Variants in ANKS6 observed in about 807,000 individuals in gnomAD.
The protein encoded by ANKS6 is ankyrin repeat and sterile alpha motif domain containing 6.
Under a neutral mutation model 77.9 loss-of-function variants are expected in ANKS6, and 47 were observed. The observed-to-expected ratio is 0.60, with a 90% CI of 0.48 to 0.77. ANKS6 has a LOEUF of 0.77. Among genes scored for constraint, ANKS6 ranks in the 30% least tolerant of loss-of-function variants. ANKS6 has a pLI of 0.00. For synonymous variants in ANKS6, 488 were observed against 501.7 expected, an observed-to-expected ratio of 0.97 and a Z score of 0.37; for missense variants, 1,150 against 1,159.1, an observed-to-expected ratio of 0.99 and a Z score of 0.11.
chr9:98,755,269 TG>T (rs1238549040), intron 12 of ANKS6, among the ~76,000 whole-genome samples: 1 of 152,222 alleles, frequency 6.6e-6, no homozygotes, highest in African/African-American at 2.4e-5. Flanking sequence ...CAAACGCATT[TG>T]TGAGGGCCAC....
rs1371400486 is a variant in ANKS6, at chr9:98,756,441, T to G, written c.2305A>C (p.Ser769Arg). The change falls in exon 12 of 15, where the codon AGT becomes CGT. Residue 769 changes from serine to arginine, a missense_variant. Physicochemically the swap from Ser to Arg is moderately radical, Grantham distance 110 (BLOSUM62 -1). Transcript: ENST00000353234. The part of the protein sequence containing the change: ...RQSKSSGGSS[S>R]GTITDEDELT... The stretch of plus-strand genomic sequence containing the variant: ...TCACCCTCATCTGTGATGGTGCCAC[T>G]GCTGGAGCCCCCACTGCTCTTGGAC... The G allele has an allele frequency of 3.1e-6, 5 of 1,613,350 alleles. No individual in the cohort carries two copies. The African/African-American group carries it at 4.0e-5, about 13-fold the overall frequency.
chr9:98,771,186 C>T, intron 9 of ANKS6, 140 bp from the exon 10 acceptor site: 1 of 1,038,734 alleles, frequency 9.6e-7, no homozygotes, highest in Non-Finnish European at 1.3e-6. Context: ...CCTGCCAGGG[C>T]CCAGCTGGGG....
chr9:98,774,615 G>A (rs948448803), intron 8 of ANKS6, among the ~76,000 whole-genome samples: 3 of 152,302 alleles, frequency 2.0e-5, no homozygotes, highest in African/African-American at 7.2e-5. Flanking sequence ...GGAAGCAGGA[G>A]GTGATAAGGG....
At chr9:98,751,575 G>A (rs1268041755) in intron 12 of ANKS6, among the ~76,000 whole-genome samples, 1 of 152,210 alleles carries the variant, frequency 6.6e-6, no homozygotes, top group Non-Finnish European at 1.5e-5. Context: ...GTGTGCAGAG[G>A]CTGTGGCCTT....
chr9:98,778,343 G>C lies in ANKS6; in HGVS notation c.1450C>G (p.Pro484Ala). ...TCAGGCTCGTCAGAGAAAGGCAAAG[G>C]CTGGTTGCTGGACAGCCCACGGGGC... is the stretch of plus-strand genomic sequence containing the variant. Reference protein sequence around the residue: ...TLPRGLSSNQPLPFSDEPEPA... With the variant: ...TLPRGLSSNQALPFSDEPEPA... The change falls in exon 7 of 15, where the codon CCT (proline) becomes GCT (alanine). Residue 484 changes from proline (P) to alanine (A), a missense_variant. Pro to Ala is a conservative substitution (Grantham distance 27). Coordinates refer to ENST00000353234, the MANE Select transcript of ANKS6 (RefSeq NM_173551.5). 6.2e-7 allele frequency: 1 copy of C among 1,614,176 alleles called. No individual in the cohort carries two copies. The highest frequency in any genetic ancestry group is 8.5e-7 in the Non-Finnish European group (1 of 1,180,034).
rs1831431822 is a variant in ANKS6 at position 98,735,206 on chromosome 9, T to A, written c.*1313A>T. On this transcript the variant is annotated 3_prime_UTR_variant, in exon 15 of 15. Coordinates refer to ENST00000353234, the MANE Select transcript of ANKS6 (RefSeq NM_173551.5). The stretch of plus-strand genomic sequence containing the variant: ...CCAACTAAGAGGCCATTGAGCTTCA[T>A]CTGAACTTTGAACCTGAGTCCAGAG... 1.0e-6 allele frequency: 1 copy of A among 985,994 alleles called. No homozygotes were observed. Among genetic ancestry groups the A allele is most frequent in the Non-Finnish European group, 1.2e-6 (1 of 830,328 alleles). 61.1% of individuals were successfully genotyped at this position (985,994 alleles called of 1,614,324 possible).
At chr9:98,751,474 A>G (rs1832428153) in intron 12 of ANKS6, among the ~76,000 whole-genome samples, 1 of 152,208 alleles carries the variant, frequency 6.6e-6, no homozygotes, top group African/African-American at 2.4e-5. Context: ...GCCTGCAGTA[A>G]ATGCCAATGC....
chr9:98,750,942 A>G lies in ANKS6; in HGVS notation c.2394+87T>C. Reference sequence around the variant, plus strand: ...CTGTCTCAGTGCAAGAGATCAATCTAGGCTTGCAAAATGAAAACCTACACA... The same window carrying G: ...CTGTCTCAGTGCAAGAGATCAATCTGGGCTTGCAAAATGAAAACCTACACA... On this transcript the variant is annotated intron_variant, in intron 13 of 14. Transcript: ENST00000353234. 3.8e-6 allele frequency: 4 copies of G among 1,050,106 alleles called. No individual in the cohort carries two copies. The South Asian group carries it at 4.1e-5, about 11-fold the overall frequency. The allele number at this position is 1,050,106 out of a possible 1,614,324, so 65.0% of individuals were successfully genotyped here.
chr9:98,751,760 C>T (rs1832440632), intron 12 of ANKS6, among the ~76,000 whole-genome samples: 1 of 152,150 alleles, frequency 6.6e-6, no homozygotes, highest in Admixed American at 6.5e-5. Context: ...GAACTGGGGA[C>T]TCAATAGATA....
Position 98,794,588 on chromosome 9 carries a change from A to G in ANKS6, c.359+1545T>C, listed in dbSNP as rs186935411. Among the ~76,000 whole-genome samples, 6 of 152,242 alleles carry G rather than the reference A, an allele frequency of 3.9e-5. No individual in the cohort carries two copies. In the East Asian group the frequency reaches 9.7e-4, roughly 25 times the overall value. On this transcript the variant is annotated intron_variant, in intron 1 of 14. Transcript: ENST00000353234. ...GGTGTCACACCAACTGAGGAACAGC[A>G]CATTTTAAAATACCCAGGCTCAAGA...
At position 98,758,526 on chromosome 9, in the gene ANKS6, T is replaced by C. The variant is rs148160804; in HGVS notation, c.2143-1923A>G. 1.4e-4 allele frequency among the ~76,000 whole-genome samples: 21 copies of C among 152,320 alleles called. No homozygotes were observed. In the East Asian group the frequency reaches 3.7e-3, roughly 27 times the overall value. On this transcript the variant is annotated intron_variant, in intron 11 of 14. Transcript: ENST00000353234. ...TAGGTTGCTCACTGGTACTGGGATG[T>C]CACTGCTTCTAGGTCCTCAAAGTGG...
intron 13 of ANKS6, among the ~76,000 whole-genome samples, chr9:98,748,053 G>T (rs1416535864): frequency 6.6e-6 from 1 of 152,202 alleles, no homozygotes; most frequent in Non-Finnish European, 1.5e-5. Context: ...GTCTTCTCTG[G>T]CCCTCATTTC....
chr9:98,734,802 T>C lies in ANKS6; in HGVS notation c.*1717A>G. On this transcript the variant is annotated 3_prime_UTR_variant, in exon 15 of 15. Coordinates refer to ENST00000353234, the MANE Select transcript of ANKS6 (RefSeq NM_173551.5). The stretch of plus-strand genomic sequence containing the variant: ...TAGGGGATGAATGAGTGTGTCTCCT[T>C]AAAAAGGCTGGGACATTAGTAACCT... The C allele has an allele frequency of 3.0e-6, 3 of 985,374 alleles. No homozygotes were observed. The highest frequency in any genetic ancestry group is 3.6e-6 in the Non-Finnish European group (3 of 829,898). 61.0% of individuals were successfully genotyped at this position (985,374 alleles called of 1,614,324 possible).
At chr9:98,770,830 G>T in intron 10 of ANKS6, 66 bp downstream of exon 10, 1 of 1,289,046 alleles carries the variant, frequency 7.8e-7, no homozygotes, top group Non-Finnish European at 9.9e-7. Context: ...GAATATCCAG[G>T]CAGTGCACAC....
At chr9:98,782,694 GCAAA>G (rs1834343369) in intron 4 of ANKS6, 121 bp from the exon 5 acceptor site, 1 of 731,164 alleles carries the variant, frequency 1.4e-6, no homozygotes, top group Non-Finnish European at 2.4e-6. Flanking sequence ...ACATGGAAGG[GCAAA>G]CAGTCTCACA....
intron 6 of ANKS6, among the ~76,000 whole-genome samples, chr9:98,779,904 C>T (rs537616599): frequency 1.8e-4 from 28 of 152,242 alleles, no homozygotes; most frequent in South Asian, 1.2e-3. Context: ...CCTCGTGATC[C>T]GCCCGTCTTG....
chr9:98,737,210 C>A (rs1364567578), intron 14 of ANKS6, among the ~76,000 whole-genome samples: 1 of 152,152 alleles, frequency 6.6e-6, no homozygotes, highest in African/African-American at 2.4e-5. Flanking sequence ...GCATTCCAGG[C>A]TCGGAGGCAG....
In ANKS6 at chr9:98,777,388, A is replaced by T. The variant is rs767371665; in HGVS notation, c.1617+17T>A. 2 of 1,613,746 alleles carry T rather than the reference A, an allele frequency of 1.2e-6. No individual in the cohort carries two copies. Among genetic ancestry groups the T allele is most frequent in the Admixed American group, 1.7e-5 (1 of 59,994 alleles). ...TGCCGGAGACCTAAAATGCTTTTAG[A>T]AAAGCCCCACACTCACCATGGTTGT... On this transcript the variant is annotated intron_variant, in intron 8 of 14. Coordinates refer to ENST00000353234, the MANE Select transcript of ANKS6 (RefSeq NM_173551.5).
intron 5 of ANKS6, 104 bp from the exon 6 acceptor site, chr9:98,780,441 T>C: frequency 1.5e-6 from 2 of 1,326,840 alleles, no homozygotes; most frequent in South Asian, 3.0e-5. Context: ...GCCCTGCAGC[T>C]CCAGGGTCTG....
Sources: gnomAD v4.1 joint callset for allele counts (sites outside exome capture counted in the v4.1 genomes callset) on GRCh38, gnomAD v4.1.1 for gene constraint, MANE v1.5 for transcripts, NCBI Gene and HGNC (gene_info 2026-07-23, HGNC 2026-07-21) for gene names.